ZEB1: variants seen among roughly 807,000 people sequenced by gnomAD.
The protein encoded by ZEB1 is zinc finger E-box binding homeobox 1.
ZEB1 carries 21 observed loss-of-function variants against 84.9 expected under a neutral mutation model. That is an observed-to-expected ratio of 0.25 (90% CI 0.18 to 0.36). The LOEUF (loss-of-function observed/expected upper bound fraction) is 0.36. ZEB1 is among the 10% of genes least tolerant of loss of function. The pLI, the probability that ZEB1 is intolerant of heterozygous loss-of-function variation, is 1.00. For synonymous variants in ZEB1, 420 were observed against 471.1 expected (o/e 0.89, Z 1.41); for missense variants, 1,104 against 1,330.2 (o/e 0.83, Z 2.65).
chr10:31,520,276 C>T lies in ZEB1; in HGVS notation c.944C>T (p.Pro315Leu), dbSNP rs764263722. 27 of 1,613,728 alleles carry T rather than the reference C, an allele frequency of 1.7e-5. No homozygotes were observed. The highest frequency in any genetic ancestry group is 8.3e-5 in the Admixed American group (5 of 59,978). ...CTCAAGACATCTCAGTGTTCTTCAC[C>T]GTCTCTTTCAGCATCACCAGGCAGT... ...TGLKTSQCSSPSLSASPGSPT... is the reference protein window; with the variant it reads ...TGLKTSQCSSLSLSASPGSPT... Residue 315 changes from proline (P) to leucine (L), a missense_variant, in exon 7 of 9, where the codon CCG (proline) becomes CTG (leucine). Around this residue, in one of 7 missense-constraint regions of ZEB1, gnomAD observed 111 missense variants for 161.8 expected, o/e 0.69. Coordinates refer to ENST00000424869, the MANE Select transcript of ZEB1 (RefSeq NM_001174096.2). The surrounding 1 kb of genome is among the most constrained non-coding windows in gnomAD (Gnocchi z 5.1).
chr10:31,423,723 C>G (rs559642378), intron 1 of ZEB1, among the ~76,000 whole-genome samples: 15 of 152,128 alleles, frequency 9.9e-5, no homozygotes, highest in African/African-American at 3.1e-4. Context: ...GTTTGTTCAT[C>G]CAGAAAACTT....
intron 1 of ZEB1, chr10:31,387,013 A>C (rs1244675563): frequency 1.2e-6 from 1 of 833,794 alleles, no homozygotes; most frequent in Non-Finnish European, 1.4e-6. Flanking sequence ...AAGAATACTC[A>C]TGATTTTATC....
chr10:31,420,303 G>C (rs1479398598), intron 1 of ZEB1, among the ~76,000 whole-genome samples: 1 of 152,096 alleles, frequency 6.6e-6, no homozygotes, highest in East Asian at 1.9e-4. Context: ...GCACTGCTTA[G>C]CTGGCTCCTC....
At chr10:31,343,030 G>T (rs868059033) in intron 1 of ZEB1, among the ~76,000 whole-genome samples, 1 of 152,120 alleles carries the variant, frequency 6.6e-6, no homozygotes, top group South Asian at 2.1e-4. Context: ...TTCCAAGGAC[G>T]GTAAAAACAA....
intron 3 of ZEB1, among the ~76,000 whole-genome samples, chr10:31,497,686 G>A (rs539067136): frequency 2.0e-5 from 3 of 152,174 alleles, no homozygotes; most frequent in South Asian, 2.1e-4. Context: ...TACAGCAGTC[G>A]CCATCATTAG....
intron 1 of ZEB1, among the ~76,000 whole-genome samples, chr10:31,322,822 A>G (rs1459163646): frequency 6.6e-6 from 1 of 151,784 alleles, no homozygotes; most frequent in African/African-American, 2.4e-5. Context: ...TAGATGGAAT[A>G]GAAGGTACAT....
At chr10:31,435,804 C>T (rs901908470) in intron 1 of ZEB1, among the ~76,000 whole-genome samples, 8 of 152,174 alleles carry the variant, frequency 5.3e-5, no homozygotes, top group African/African-American at 1.7e-4. Context: ...GAGAGTGATA[C>T]ATTTTGCTTT....
intron 2 of ZEB1, among the ~76,000 whole-genome samples, chr10:31,489,443 A>G (rs977591482): frequency 6.6e-6 from 1 of 150,562 alleles, no homozygotes; most frequent in African/African-American, 2.4e-5. Context: ...TCTGCCCTTA[A>G]TTGGTTTGTT....
At chr10:31,340,620 G>C (rs2039174492) in intron 1 of ZEB1, among the ~76,000 whole-genome samples, 1 of 152,198 alleles carries the variant, frequency 6.6e-6, no homozygotes, top group Non-Finnish European at 1.5e-5. Flanking sequence ...CCAAGTGCTA[G>C]AGATGGAATG....
At chr10:31,320,297 C>T (rs2033561932) in intron 1 of ZEB1, 2 of 152,192 alleles carry the variant, frequency 1.3e-5, no homozygotes, top group South Asian at 2.1e-4. Flanking sequence ...GCTTAGAGAC[C>T]GGGAAGCACC....
intron 1 of ZEB1, among the ~76,000 whole-genome samples, chr10:31,353,497 C>G (rs965302159): frequency 6.6e-6 from 1 of 152,302 alleles, no homozygotes; most frequent in South Asian, 2.1e-4. Flanking sequence ...GTTCTACATT[C>G]TGTTCTACCT....
At chr10:31,408,105 C>A (rs916714629) in intron 1 of ZEB1, among the ~76,000 whole-genome samples, 3 of 151,952 alleles carry the variant, frequency 2.0e-5, no homozygotes, top group Non-Finnish European at 1.5e-5. Flanking sequence ...CAACAACAGA[C>A]AAACAGAGAG....
chr10:31,435,842 T>G (rs1346275100), intron 1 of ZEB1, among the ~76,000 whole-genome samples: 1 of 152,182 alleles, frequency 6.6e-6, no homozygotes, highest in African/African-American at 2.4e-5. Context: ...CCCCGGCTGC[T>G]GTGTGGTAAA....
At chr10:31,385,779 G>T (rs543260715) in intron 1 of ZEB1, among the ~76,000 whole-genome samples, 1 of 152,028 alleles carries the variant, frequency 6.6e-6, no homozygotes, top group East Asian at 1.9e-4. Context: ...GCCAGCCTCA[G>T]CCTCTCAAAG....
chr10:31,410,176 A>C (rs1415939634), intron 1 of ZEB1, among the ~76,000 whole-genome samples: 1 of 152,182 alleles, frequency 6.6e-6, no homozygotes, highest in Non-Finnish European at 1.5e-5. Context: ...GTTTTGAGTT[A>C]CGTTCCATCA....
At chr10:31,524,925 G>A (rs966527521) in intron 8 of ZEB1, among the ~76,000 whole-genome samples, 3 of 152,154 alleles carry the variant, frequency 2.0e-5, no homozygotes, top group Non-Finnish European at 2.9e-5. Context: ...CTGAGATCCT[G>A]TAATTCTGCC....
chr10:31,382,006 CAAAAAAAAAAAAAAAAAAAA>C (rs535534850), intron 1 of ZEB1, among the ~76,000 whole-genome samples: 1 of 40,770 alleles, frequency 2.5e-5, no homozygotes, highest in African/African-American at 4.5e-5. Flanking sequence ...GAGACTGTCT[CAAAAAAAAAAAAAAAAAAAA>C]AAAAAAAACA....
intron 1 of ZEB1, among the ~76,000 whole-genome samples, chr10:31,343,328 T>G (rs918260171): frequency 6.6e-6 from 1 of 152,124 alleles, no homozygotes; most frequent in Non-Finnish European, 1.5e-5. Context: ...CATTTGCTTT[T>G]AAAGTCTCTA....
At chr10:31,477,134 G>A (rs1414134453) in intron 2 of ZEB1, among the ~76,000 whole-genome samples, 3 of 151,970 alleles carry the variant, frequency 2.0e-5, no homozygotes, top group Admixed American at 2.0e-4. Context: ...TCTGGTCACT[G>A]ATGACATGCC....
Sources: allele counts gnomAD v4.1 joint callset (sites outside exome capture counted in the v4.1 genomes callset), GRCh38; gene constraint gnomAD v4.1.1; regional missense constraint gnomAD v4.1.1; non-coding constraint Gnocchi (gnomAD v3.1); transcripts MANE v1.5; gene names NCBI Gene and HGNC (gene_info 2026-07-23, HGNC 2026-07-21).